PAN3: variants seen among roughly 807,000 people sequenced by gnomAD.
The protein encoded by PAN3 is poly(A) specific ribonuclease subunit PAN3.
Under a neutral mutation model 96.2 loss-of-function variants are expected in PAN3, and 19 were observed. The observed-to-expected ratio is 0.20, with a 90% confidence interval of 0.14 to 0.29. The LOEUF (loss-of-function observed/expected upper bound fraction) is 0.29, where lower values mean the gene tolerates loss of function less well. Among genes scored for constraint, PAN3 ranks in the 10% least tolerant of loss-of-function variants. The pLI is 1.00. For missense variants in PAN3, 882 were observed against 1,108.1 expected (o/e 0.80, Z 2.90); for synonymous variants, 433 against 406.6 (o/e 1.06, Z -0.78).
chr13:28,219,583 G>C (rs780899702), intron 5 of PAN3, among the ~76,000 whole-genome samples: 3 of 152,178 alleles, frequency 2.0e-5, no homozygotes, highest in Non-Finnish European at 2.9e-5. Context: ...TATATAAAGA[G>C]TTGTAGCATA....
intron 1 of PAN3, among the ~76,000 whole-genome samples, chr13:28,169,916 G>A (rs1482256431): frequency 2.0e-5 from 3 of 151,828 alleles, no homozygotes; most frequent in Admixed American, 2.0e-4. Flanking sequence ...GCGTGGTGAC[G>A]GGCAGCTGTA....
intron 6 of PAN3, among the ~76,000 whole-genome samples, chr13:28,253,654 A>C (rs1184391917): frequency 6.6e-6 from 1 of 150,942 alleles, no homozygotes; most frequent in East Asian, 1.9e-4. Flanking sequence ...AGACTGGAGC[A>C]CAGTGGCTGT....
chr13:28,214,096 A>G (rs2138340024), intron 5 of PAN3, among the ~76,000 whole-genome samples: 1 of 152,332 alleles, frequency 6.6e-6, no homozygotes, highest in African/African-American at 2.4e-5. Flanking sequence ...TCCAAAAGAA[A>G]AAAAAATAAA....
chr13:28,230,744 TG>T (rs1286982213), intron 6 of PAN3, among the ~76,000 whole-genome samples: 3 of 151,958 alleles, frequency 2.0e-5, no homozygotes, highest in African/African-American at 7.3e-5. Context: ...CTTACTTTTT[TG>T]TGTGAATTTT....
At chr13:28,217,969 A>G (rs535597097) in intron 5 of PAN3, among the ~76,000 whole-genome samples, 113 of 152,126 alleles carry the variant, frequency 7.4e-4, no homozygotes, top group African/African-American at 2.2e-3. Context: ...CACCTGAAAG[A>G]AATAGGTTCT....
At chr13:28,247,990 C>T (rs1884366313) in intron 6 of PAN3, among the ~76,000 whole-genome samples, 1 of 152,118 alleles carries the variant, frequency 6.6e-6, no homozygotes, top group South Asian at 2.1e-4. Flanking sequence ...TGTGTTGAAT[C>T]TGTAGATTGC....
chr13:28,274,725 A>AT (rs920043145), intron 14 of PAN3, among the ~76,000 whole-genome samples: 12 of 151,970 alleles, frequency 7.9e-5, no homozygotes, highest in African/African-American at 2.4e-4. Flanking sequence ...TCACCTGTTT[A>AT]TTTTTTTCAG....
chr13:28,147,513 T>C (rs1870822011), intron 1 of PAN3, among the ~76,000 whole-genome samples: 1 of 152,200 alleles, frequency 6.6e-6, no homozygotes, highest in African/African-American at 2.4e-5. Flanking sequence ...CTACCTTAAA[T>C]AGGCCCAGAA....
chr13:28,256,350 T>G lies in PAN3; in HGVS notation c.1059T>G (p.Thr353=). The change falls in exon 7 of 19, where the codon ACT becomes ACG. Residue 353 remains threonine (T), a synonymous_variant. Transcript: ENST00000380958. The stretch of plus-strand genomic sequence containing the variant: ...ATTCCCCCAAGATTACTCCACATAC[T>G]TCTCCTGCTCCCAGAAGAAGAAGTC... ...PLHSPKITPH[T]SPAPRRRSHT... is the part of the protein sequence containing the mutation. The G allele has an allele frequency of 1.2e-6, 2 of 1,613,820 alleles. No homozygotes were observed. The highest frequency in any genetic ancestry group is 1.7e-6 in the Non-Finnish European group (2 of 1,179,690).
At chr13:28,213,206 A>G (rs1880267156) in intron 5 of PAN3, among the ~76,000 whole-genome samples, 1 of 152,194 alleles carries the variant, frequency 6.6e-6, no homozygotes, top group Admixed American at 6.5e-5. Context: ...TAACATTTAT[A>G]TTTCATTAGG....
chr13:28,270,656 G>A, intron 12 of PAN3, 45 bp from the exon 13 acceptor site: 1 of 1,582,526 alleles, frequency 6.3e-7, no homozygotes, highest in Non-Finnish European at 8.6e-7. Flanking sequence ...TAGTCTTTTA[G>A]TTGATTACTT....
Position 28,142,771 on chromosome 13 carries a change from T to G in PAN3, c.430+3684T>G, listed in dbSNP as rs142776812. Among the ~76,000 whole-genome samples the G allele has an allele frequency of 4.3e-4, 66 of 152,322 alleles. 1 individual carries two copies. The highest frequency in any genetic ancestry group is 1.3e-3 in the African/African-American group (56 of 41,586). ...AAGATTTAATATAGAAGTACAAATT[T>G]CTGGTTTCCCTTTAAGGATGTCTCT... On this transcript the variant is annotated intron_variant, in intron 1 of 18. Coordinates refer to ENST00000380958, the MANE Select transcript of PAN3 (RefSeq NM_175854.8).
chr13:28,236,747 T>G (rs1316767741), intron 6 of PAN3, among the ~76,000 whole-genome samples: 1 of 152,222 alleles, frequency 6.6e-6, no homozygotes, highest in Non-Finnish European at 1.5e-5. Flanking sequence ...TCAGGCATGG[T>G]TCCAAGCCAT....
Position 28,261,458 on chromosome 13 carries a change from G to A in PAN3, c.1411G>A (p.Ala471Thr). 1 of 1,608,476 alleles carries A rather than the reference G, an allele frequency of 6.2e-7. No homozygotes were observed. Among genetic ancestry groups the A allele is most frequent in the Middle Eastern group, 1.7e-4 (1 of 5,894 alleles). Residue 471 changes from alanine (A) to threonine (T), a missense_variant and splice_region_variant, in exon 9 of 19, where the codon GCA becomes ACA. By Grantham distance (58) the Ala-to-Thr change is moderately conservative (BLOSUM62 0). Transcript: ENST00000380958. Reference protein sequence around the residue: ...MAQIDQADMPAVPTEVDSYHS... With the variant: ...MAQIDQADMPTVPTEVDSYHS... ...TCAAATTGATCAAGCAGATATGCCA[G>A]GTAAAAAGCAAGTTGATCCTTCCTT...
chr13:28,284,222 C>T (rs1037853142), intron 17 of PAN3, among the ~76,000 whole-genome samples: 3 of 152,032 alleles, frequency 2.0e-5, no homozygotes, highest in Non-Finnish European at 2.9e-5. Context: ...GTTTTATGTT[C>T]TATGTACTCT....
At chr13:28,244,722 T>G (rs1884011697) in intron 6 of PAN3, among the ~76,000 whole-genome samples, 2 of 147,338 alleles carry the variant, frequency 1.4e-5, no homozygotes, top group Admixed American at 6.9e-5. Flanking sequence ...TCTTTTAAAT[T>G]TTCTGCAATT....
At chr13:28,146,771 A>T (rs945253353) in intron 1 of PAN3, among the ~76,000 whole-genome samples, 2 of 152,120 alleles carry the variant, frequency 1.3e-5, no homozygotes, top group Admixed American at 1.3e-4. Flanking sequence ...AGGTCAAGAG[A>T]TACAGACCAT....
chr13:28,247,791 T>G (rs1474341469), intron 6 of PAN3, among the ~76,000 whole-genome samples: 3 of 152,212 alleles, frequency 2.0e-5, no homozygotes, highest in Non-Finnish European at 2.9e-5. Context: ...TGTGTGTCTG[T>G]TTTTATGCAG....
chr13:28,193,661 T>G (rs2138208241), intron 4 of PAN3, among the ~76,000 whole-genome samples: 2 of 148,392 alleles, frequency 1.3e-5, no homozygotes, highest in South Asian at 4.2e-4. Flanking sequence ...GAGGATCTCT[T>G]GAGCCTGGGA....
Sources: allele counts gnomAD v4.1 joint callset (sites outside exome capture counted in the v4.1 genomes callset), GRCh38; gene constraint gnomAD v4.1.1; transcripts MANE v1.5; gene names NCBI Gene and HGNC (gene_info 2026-07-23, HGNC 2026-07-21).